Variants in BLM observed in about 807,000 individuals in gnomAD.
The protein encoded by BLM is BLM RecQ like helicase.
A neutral mutation model predicts 135.3 loss-of-function variants in BLM; 95 were observed. The ratio of observed to expected loss-of-function variants is 0.70; its 90% CI spans 0.59 to 0.83. The LOEUF is 0.83. Ranked by LOEUF, BLM falls within the 40% of genes least tolerant of loss-of-function variation. The pLI, the probability that BLM is intolerant of heterozygous loss-of-function variation, is 0.00. For missense variants in BLM, 1,518 were observed against 1,663.9 expected (o/e 0.91, Z 1.53); for synonymous variants, 520 against 589.2 (o/e 0.88, Z 1.70).
chr15:90,749,070 T>C (rs28384986), intron 2 of BLM, among the ~76,000 whole-genome samples: 1 of 152,276 alleles, frequency 6.6e-6, no homozygotes, highest in African/African-American at 2.4e-5. Context: ...CTTCCCTTTT[T>C]CATTTATGCT....
Position 90,783,445 on chromosome 15 carries a change from C to T in BLM, c.2662+517C>T, listed in dbSNP as rs539030553. Reference sequence around the variant, plus strand: ...ACCAAGAAAAAGTCAGTGATTTCCCCGCTCAGACTCACCTCCCCCAGGCAG... The same window carrying T: ...ACCAAGAAAAAGTCAGTGATTTCCCTGCTCAGACTCACCTCCCCCAGGCAG... On this transcript the variant is annotated intron_variant, in intron 13 of 21. Coordinates refer to ENST00000355112, the MANE Select transcript of BLM (RefSeq NM_000057.4). Among the ~76,000 whole-genome samples the T allele has an allele frequency of 3.3e-5, 5 of 152,250 alleles. No individual in the cohort carries two copies. The South Asian group carries it at 6.2e-4, about 19-fold the overall frequency.
intron 5 of BLM, among the ~76,000 whole-genome samples, chr15:90,755,915 G>A (rs1895804735): frequency 6.6e-6 from 1 of 152,050 alleles, no homozygotes; most frequent in African/African-American, 2.4e-5. Context: ...GCATGCATGT[G>A]CGGGTCATGT....
intron 10 of BLM, among the ~76,000 whole-genome samples, 194 bp downstream of exon 10, chr15:90,767,217 A>G (rs184333949): frequency 4.6e-5 from 7 of 152,296 alleles, no homozygotes; most frequent in Admixed American, 1.3e-4. Context: ...GACACATTTG[A>G]TTGAAAATTG....
intron 19 of BLM, among the ~76,000 whole-genome samples, chr15:90,805,975 G>A (rs754108777): frequency 1.3e-5 from 2 of 151,828 alleles, no homozygotes; most frequent in Non-Finnish European, 2.9e-5. Context: ...TCAACCTCCC[G>A]AGTAGCTGGG....
intron 1 of BLM, among the ~76,000 whole-genome samples, chr15:90,739,936 T>C (rs1270792124): frequency 1.3e-5 from 2 of 152,030 alleles, no homozygotes; most frequent in African/African-American, 4.8e-5. Flanking sequence ...GCTAATCTTT[T>C]GTATTTTTTG....
At chr15:90,733,618 A>G (rs906207064) in intron 1 of BLM, among the ~76,000 whole-genome samples, 1 of 152,226 alleles carries the variant, frequency 6.6e-6, no homozygotes, top group East Asian at 1.9e-4. Context: ...AAACATCTTA[A>G]AACACTTTTT....
At chr15:90,754,789 T>G (rs1411836660) in intron 4 of BLM, 22 bp from the exon 5 acceptor site, 3 of 1,611,660 alleles carry the variant, frequency 1.9e-6, no homozygotes, top group Non-Finnish European at 2.5e-6. Flanking sequence ...TATGATTGGC[T>G]TAACATTTTT....
chr15:90,797,708 G>C (rs1249669690), intron 16 of BLM, among the ~76,000 whole-genome samples: 1 of 152,042 alleles, frequency 6.6e-6, no homozygotes, highest in African/African-American at 2.4e-5. Context: ...CTAGTAACGG[G>C]GACTCTAAAA....
chr15:90,799,813 TAGG>T (rs1897123408), intron 17 of BLM, among the ~76,000 whole-genome samples: 2 of 151,916 alleles, frequency 1.3e-5, no homozygotes, highest in South Asian at 4.2e-4. Flanking sequence ...CATGTGTGGA[TAGG>T]AGTTCACAGA....
At chr15:90,769,681 ACCCCAC>A in intron 12 of BLM, 95 bp downstream of exon 12, 1 of 1,395,744 alleles carries the variant, frequency 7.2e-7, no homozygotes. Flanking sequence ...TAACGCCACC[ACCCCAC>A]CCCCACCCCA....
chr15:90,747,096 A>G (rs1895520947), intron 1 of BLM, among the ~76,000 whole-genome samples: 1 of 151,748 alleles, frequency 6.6e-6, no homozygotes, highest in South Asian at 2.1e-4. Context: ...TCCCCTCCCT[A>G]ATGTCTTTTG....
chr15:90,812,714 G>A (rs941476108), intron 21 of BLM, among the ~76,000 whole-genome samples: 1 of 152,136 alleles, frequency 6.6e-6, no homozygotes, highest in Non-Finnish European at 1.5e-5. Context: ...TTGTCCTTCT[G>A]AGTAATAAAA....
chr15:90,724,101 C>T (rs1322618255), intron 1 of BLM, among the ~76,000 whole-genome samples: 2 of 152,122 alleles, frequency 1.3e-5, no homozygotes, highest in Non-Finnish European at 2.9e-5. Flanking sequence ...CAGCCTCTAA[C>T]TCCTGGGCTC....
Position 90,815,026 on chromosome 15 carries a change from C to A in BLM, c.4077-76C>A. 7.1e-7 allele frequency: 1 copy of A among 1,410,828 alleles called. No homozygotes were observed. Among genetic ancestry groups the A allele is most frequent in the Non-Finnish European group, 9.8e-7 (1 of 1,024,450 alleles). 87.4% of individuals were successfully genotyped at this position (1,410,828 alleles called of 1,614,324 possible). ...GGCCCAGGGAAGTGGTATTGTAGCT[C>A]TGTGCAGGTTGAGAGGAAGGTCATT... On this transcript the variant is annotated intron_variant, in intron 21 of 21. Coordinates refer to ENST00000355112, the MANE Select transcript of BLM (RefSeq NM_000057.4). The surrounding 1 kb of genome is among the most constrained non-coding windows in gnomAD (Gnocchi z 4.6).
chr15:90,802,522 C>T (rs909768061), intron 17 of BLM, among the ~76,000 whole-genome samples: 2 of 152,148 alleles, frequency 1.3e-5, no homozygotes, highest in African/African-American at 4.8e-5. Context: ...TTGTGCTTTT[C>T]TTTTAGAATT....
At chr15:90,754,424 G>A (rs1021579496) in intron 4 of BLM, among the ~76,000 whole-genome samples, 2 of 152,226 alleles carry the variant, frequency 1.3e-5, no homozygotes, top group African/African-American at 2.4e-5. Flanking sequence ...TGCTGGAGAA[G>A]TAATGCTTTG....
intron 1 of BLM, among the ~76,000 whole-genome samples, chr15:90,728,135 C>T (rs1894965977): frequency 6.6e-6 from 1 of 152,088 alleles, no homozygotes; most frequent in Non-Finnish European, 1.5e-5. Context: ...CTCCTGGGCT[C>T]AGGTGATCCT....
At chr15:90,727,980 T>C (rs899675607) in intron 1 of BLM, among the ~76,000 whole-genome samples, 2 of 152,194 alleles carry the variant, frequency 1.3e-5, no homozygotes, top group African/African-American at 4.8e-5. Context: ...CGTCTTCCAA[T>C]GTGAATGTGG....
intron 20 of BLM, among the ~76,000 whole-genome samples, chr15:90,809,643 T>A (rs748146739): frequency 6.6e-6 from 1 of 152,230 alleles, no homozygotes; most frequent in African/African-American, 2.4e-5. Context: ...AAGGAACATG[T>A]TATCTGACAA....
Sources: gnomAD v4.1 joint callset for allele counts (sites outside exome capture counted in the v4.1 genomes callset) on GRCh38, gnomAD v4.1.1 for gene constraint, Gnocchi (gnomAD v3.1) non-coding constraint, MANE v1.5 for transcripts, NCBI Gene and HGNC (gene_info 2026-07-23, HGNC 2026-07-21) for gene names.